ELAPOR2: variants seen among roughly 807,000 people sequenced by gnomAD.
The protein encoded by ELAPOR2 is endosome-lysosome associated apoptosis and autophagy regulator family member 2.
Under a neutral mutation model 120.7 loss-of-function variants are expected in ELAPOR2, and 89 were observed. The observed-to-expected ratio is 0.74, with a 90% confidence interval of 0.62 to 0.88. The LOEUF (loss-of-function observed/expected upper bound fraction) is 0.88, where lower values mean the gene tolerates loss of function less well. Ranked by LOEUF, ELAPOR2 falls within the 40% of genes least tolerant of loss-of-function variation. The probability of loss-of-function intolerance (pLI) is 0.00; values close to 1 mark genes in which losing one functional copy is unlikely to be tolerated. For missense variants in ELAPOR2, 1,134 were observed against 1,251.6 expected (o/e 0.91, Z 1.42); for synonymous variants, 444 against 444.9 (o/e 1.00, Z 0.03).
rs148888430 is a variant in ELAPOR2, at chr7:86,879,832, C to G, written c.*639G>C. The G allele has an allele frequency of 6.6e-6, 1 of 152,044 alleles. No homozygotes were observed. Among genetic ancestry groups the G allele is most frequent in the South Asian group, 2.1e-4 (1 of 4,826 alleles). The allele number at this position is 152,044 out of a possible 1,614,324, so 9.4% of individuals were successfully genotyped here. ...GTCAAGCCCTTCTTACCAGCTCCAA[C>G]GAGGATGGAATTTCAAAGGCAATTA... On this transcript the variant is annotated 3_prime_UTR_variant, in exon 22 of 22. Coordinates refer to ENST00000450689, the MANE Select transcript of ELAPOR2 (RefSeq NM_001142749.3).
intron 21 of ELAPOR2, among the ~76,000 whole-genome samples, chr7:86,883,436 G>A (rs1386267316): frequency 6.6e-6 from 1 of 152,048 alleles, no homozygotes; most frequent in Non-Finnish European, 1.5e-5. Flanking sequence ...CACACAATAA[G>A]ATATGTGCAA....
intron 21 of ELAPOR2, among the ~76,000 whole-genome samples, chr7:86,888,870 C>T (rs1799816107): frequency 6.6e-6 from 1 of 152,136 alleles, no homozygotes. Context: ...GTAGGTCCCA[C>T]TTCATGTACC....
Position 86,964,982 on chromosome 7 carries a change from A to G in ELAPOR2, c.232T>C (p.Ser78Pro). ...FEYTECDSSG[S>P]RWRVAIPNSA... The stretch of plus-strand genomic sequence containing the variant: ...TTTGGAATGGCAACTCTCCACCTGG[A>G]GCCACTGCTATCACATTCCGTATAT... Residue 78 changes from serine (S) to proline (P), a missense_variant, in exon 2 of 22, where the codon TCC becomes CCC. By Grantham distance (74) the Ser-to-Pro change is moderately conservative. This residue lies in a region of ELAPOR2 where 280 missense variants were observed against 331.5 expected (regional missense o/e 0.84). Coordinates refer to ENST00000450689, the MANE Select transcript of ELAPOR2 (RefSeq NM_001142749.3). The G allele has an allele frequency of 6.4e-7, 1 of 1,551,598 alleles. No homozygotes were observed. Among genetic ancestry groups the G allele is most frequent in the Non-Finnish European group, 8.7e-7 (1 of 1,146,880 alleles).
At chr7:86,997,706 T>C (rs1365285238) in intron 1 of ELAPOR2, among the ~76,000 whole-genome samples, 1 of 152,140 alleles carries the variant, frequency 6.6e-6, no homozygotes, top group African/African-American at 2.4e-5. Context: ...TGAGCATCCA[T>C]TCCCACCATG....
At chr7:86,980,449 C>A (rs1317672734) in intron 1 of ELAPOR2, among the ~76,000 whole-genome samples, 1 of 152,218 alleles carries the variant, frequency 6.6e-6, no homozygotes, top group Non-Finnish European at 1.5e-5. Context: ...GGATCCCCAC[C>A]CGCTTTCTGC....
rs373916495 is a variant in ELAPOR2, at chr7:87,041,874, G to A, written c.189+17451C>T. 2.6e-4 allele frequency among the ~76,000 whole-genome samples: 39 copies of A among 151,884 alleles called. 1 individual carries two copies. The highest frequency in any genetic ancestry group is 4.7e-4 in the Non-Finnish European group (32 of 68,014). On this transcript the variant is annotated intron_variant, in intron 1 of 21. Coordinates refer to ENST00000450689, the MANE Select transcript of ELAPOR2 (RefSeq NM_001142749.3). ...GCTGTATTCAGGAAACCCATCTCACGTGCAGAGACACACATAGGCTCAAAA... is the reference window on the plus strand; with the variant it reads ...GCTGTATTCAGGAAACCCATCTCACATGCAGAGACACACATAGGCTCAAAA...
chr7:87,036,595 T>C lies in ELAPOR2; in HGVS notation c.189+22730A>G, dbSNP rs569085649. On this transcript the variant is annotated intron_variant, in intron 1 of 21. Coordinates refer to ENST00000450689, the MANE Select transcript of ELAPOR2 (RefSeq NM_001142749.3). ...GGTACATATACCCCATGGAATACTA[T>C]AGAGCCATAAAAAACAACAAAATCA... Among the ~76,000 whole-genome samples, 40 of 152,294 alleles carry C rather than the reference T, an allele frequency of 2.6e-4. No homozygotes were observed. In the South Asian group the frequency reaches 5.0e-3, roughly 19 times the overall value.
At chr7:86,949,447 C>T (rs969299983) in intron 2 of ELAPOR2, among the ~76,000 whole-genome samples, 1 of 152,154 alleles carries the variant, frequency 6.6e-6, no homozygotes, top group Non-Finnish European at 1.5e-5. Context: ...TCCATGGAGC[C>T]ATTGGGGCGG....
intron 12 of ELAPOR2, among the ~76,000 whole-genome samples, chr7:86,917,477 C>T (rs528552555): frequency 3.3e-5 from 5 of 152,084 alleles, no homozygotes; most frequent in East Asian, 1.9e-4. Flanking sequence ...ATGAGAAGAA[C>T]GTATAGGAGA....
intron 1 of ELAPOR2, among the ~76,000 whole-genome samples, chr7:87,045,984 G>T (rs1794942506): frequency 6.6e-6 from 1 of 151,706 alleles, no homozygotes; most frequent in African/African-American, 2.4e-5. Context: ...GAAAAAAAGG[G>T]CATCCAAATT....
At chr7:86,986,845 T>C (rs1012624211) in intron 1 of ELAPOR2, among the ~76,000 whole-genome samples, 4 of 150,370 alleles carry the variant, frequency 2.7e-5, no homozygotes, top group African/African-American at 9.9e-5. Context: ...GGAAAAAAAC[T>C]ACTTTAAAGT....
At chr7:86,918,001 C>T (rs1461829065) in intron 12 of ELAPOR2, among the ~76,000 whole-genome samples, 1 of 152,048 alleles carries the variant, frequency 6.6e-6, no homozygotes, top group African/African-American at 2.4e-5. Context: ...GAGCATAGTA[C>T]TCTTTTTCTA....
intron 1 of ELAPOR2, among the ~76,000 whole-genome samples, chr7:87,053,100 A>C (rs546746883): frequency 6.6e-6 from 1 of 152,232 alleles, no homozygotes; most frequent in African/African-American, 2.4e-5. Flanking sequence ...GCCCAAACTG[A>C]CCACTAGGGT....
chr7:86,880,979 A>C (rs1346645175), intron 21 of ELAPOR2, among the ~76,000 whole-genome samples: 3 of 152,142 alleles, frequency 2.0e-5, no homozygotes, highest in South Asian at 4.2e-4. Flanking sequence ...AATGCCAACA[A>C]GACATTAGAT....
chr7:87,041,994 A>G (rs926815867), intron 1 of ELAPOR2, among the ~76,000 whole-genome samples: 5 of 151,588 alleles, frequency 3.3e-5, no homozygotes, highest in African/African-American at 1.2e-4. Context: ...TAAACCAACA[A>G]AGATCAAAAG....
intron 18 of ELAPOR2, among the ~76,000 whole-genome samples, chr7:86,903,448 T>C (rs866232648): frequency 4.6e-5 from 7 of 152,318 alleles, no homozygotes; most frequent in Middle Eastern, 6.8e-3. Context: ...TAAATTGTTC[T>C]AGGGAAAAAG....
intron 1 of ELAPOR2, among the ~76,000 whole-genome samples, chr7:86,993,187 G>T (rs1399361275): frequency 7.6e-6 from 1 of 131,548 alleles, no homozygotes; most frequent in African/African-American, 3.0e-5. Flanking sequence ...AGTGAGCCAA[G>T]ATCGCACCAC....
Position 86,913,201 on chromosome 7 carries a change from T to C in ELAPOR2, c.1735A>G (p.Arg579Gly). 1 of 1,612,312 alleles carries C rather than the reference T, an allele frequency of 6.2e-7. No individual in the cohort carries two copies. ...TTCACCATGTCATTGATGAACCGTCTATTCTAAAAAAAAGAGCATAAAGTA... is the reference window on the plus strand; with the variant it reads ...TTCACCATGTCATTGATGAACCGTCCATTCTAAAAAAAAGAGCATAAAGTA... The part of the protein sequence containing the change: ...FQRTNQGQDN[R>G]RFINDMVKIY... The change falls in exon 14 of 22, where the codon AGA becomes GGA. Residue 579 changes from arginine to glycine, a missense_variant. Physicochemically the swap from Arg to Gly is moderately radical, Grantham distance 125. Coordinates refer to ENST00000450689, the MANE Select transcript of ELAPOR2 (RefSeq NM_001142749.3).
intron 21 of ELAPOR2, among the ~76,000 whole-genome samples, chr7:86,887,880 TACATACAC>T (rs1562897264): frequency 6.6e-6 from 1 of 151,918 alleles, no homozygotes; most frequent in Non-Finnish European, 1.5e-5. Context: ...CACATACACA[TACATACAC>T]ACAGACAGAC....
Sources: allele counts gnomAD v4.1 joint callset (sites outside exome capture counted in the v4.1 genomes callset), GRCh38; gene constraint gnomAD v4.1.1; regional missense constraint gnomAD v4.1.1; transcripts MANE v1.5; gene names NCBI Gene and HGNC (gene_info 2026-07-23, HGNC 2026-07-21).